The following MSN variants were observed in gnomAD, a reference collection of about 807,000 sequenced individuals.
MSN encodes epididymis luminal protein 70.
A neutral mutation model predicts 48.0 loss-of-function variants in MSN; 2 were observed. The ratio of observed to expected loss-of-function variants is 0.04; its 90% CI spans 0.02 to 0.13. The LOEUF is 0.13. Among genes scored for constraint, MSN ranks in the 10% least tolerant of loss-of-function variants. The pLI is 1.00. For synonymous variants in MSN, 146 were observed against 166.9 expected (o/e 0.87, Z 0.97); for missense variants, 267 against 470.1 (o/e 0.57, Z 3.99).
intron 8 of MSN, 115 bp downstream of exon 8, chrX:65,735,545 T>A (rs2071667681): frequency 4.9e-6 from 4 of 822,598 alleles, no homozygotes; most frequent in Non-Finnish European, 6.7e-6. Context: ...AGATGAGAGG[T>A]TAGACACCAA....
At chrX:65,615,128 A>C (rs2070357364) in intron 1 of MSN, among the ~76,000 whole-genome samples, 1 of 109,422 alleles carries the variant, frequency 9.1e-6, no homozygotes, top group South Asian at 4.0e-4. Flanking sequence ...AGTTGGTTCC[A>C]AGTCTTTGCT....
At chrX:65,589,221 C>T (rs1470086308) in intron 1 of MSN, among the ~76,000 whole-genome samples, 3 of 105,901 alleles carry the variant, frequency 2.8e-5, no homozygotes, top group African/African-American at 1.0e-4. Context: ...CACCCCAGTC[C>T]CAAGTTTTCA....
At chrX:65,673,858 A>G (rs2070968706) in intron 1 of MSN, among the ~76,000 whole-genome samples, 1 of 111,696 alleles carries the variant, frequency 9.0e-6, no homozygotes, top group African/African-American at 3.3e-5. Flanking sequence ...TGATAGTGCC[A>G]GGACTAAAAC....
intron 2 of MSN, among the ~76,000 whole-genome samples, chrX:65,720,787 G>C: frequency 8.9e-6 from 1 of 112,148 alleles, no homozygotes; most frequent in African/African-American, 3.2e-5. Context: ...GTACTCCTTG[G>C]CACCAGCAAT....
chrX:65,655,896 AG>A (rs1178618596), intron 1 of MSN, among the ~76,000 whole-genome samples: 1 of 111,539 alleles, frequency 9.0e-6, no homozygotes, highest in Admixed American at 9.6e-5. Context: ...CCTCCCAAGT[AG>A]CTGGGACTAC....
intron 1 of MSN, among the ~76,000 whole-genome samples, chrX:65,620,575 G>C (rs943469872): frequency 1.8e-5 from 2 of 112,919 alleles, no homozygotes; most frequent in African/African-American, 6.4e-5. Flanking sequence ...GGTCGCGCAC[G>C]GTGCGCACAC....
chrX:65,589,866 C>CTT (rs34344599), intron 1 of MSN: 1 of 81,336 alleles, frequency 1.2e-5, no homozygotes, highest in Non-Finnish European at 2.0e-5. Flanking sequence ...TTCTTTCTTT[C>CTT]TTTTTTTTTT....
chrX:65,619,042 C>A (rs1190267583), intron 1 of MSN, among the ~76,000 whole-genome samples: 1 of 100,018 alleles, frequency 1.0e-5, no homozygotes, highest in African/African-American at 3.8e-5. Context: ...GGCCCCCACT[C>A]TCTTCTGGCT....
chrX:65,645,220 C>T (rs1341725831), intron 1 of MSN, among the ~76,000 whole-genome samples: 1 of 111,846 alleles, frequency 8.9e-6, no homozygotes, highest in Non-Finnish European at 1.9e-5. Context: ...GAGCCTGGAG[C>T]TATCAGGACC....
In MSN at chrX:65,653,337, A is replaced by G. The variant is rs146981742; in HGVS notation, c.-21-63481A>G. 9.3e-3 allele frequency among the ~76,000 whole-genome samples: 1,032 copies of G among 111,373 alleles called. 11 individuals carry two copies. The highest frequency in any genetic ancestry group is 0.051 in the Admixed American group (534 of 10,416). ...TAGCCACATATGGGCTCACATCTTC[A>G]TGTAAATACATGGCTAGGCTGAATA... On this transcript the variant is annotated intron_variant, in intron 1 of 3. Transcript: ENST00000609672.
intron 1 of MSN, among the ~76,000 whole-genome samples, chrX:65,647,553 TATG>T (rs1435678326): frequency 3.6e-5 from 4 of 112,398 alleles, no homozygotes; most frequent in African/African-American, 1.3e-4. Flanking sequence ...GATCCTGACA[TATG>T]GTGGGTTTTA....
At chrX:65,614,969 C>G (rs1367396803) in intron 1 of MSN, among the ~76,000 whole-genome samples, 3 of 93,471 alleles carry the variant, frequency 3.2e-5, no homozygotes, top group Non-Finnish European at 6.3e-5. Flanking sequence ...GTTTTTTGTT[C>G]TTGTGATAGT....
chrX:65,601,706 A>C (rs2070237345), intron 1 of MSN, among the ~76,000 whole-genome samples: 1 of 112,763 alleles, frequency 8.9e-6, no homozygotes. Context: ...TGTGTTCTGG[A>C]AAGGCCAGGA....
intron 1 of MSN, among the ~76,000 whole-genome samples, chrX:65,597,972 C>T (rs1009927616): frequency 2.7e-5 from 3 of 111,601 alleles, no homozygotes; most frequent in Non-Finnish European, 5.6e-5. Flanking sequence ...GTTATGAGAC[C>T]TTTCATCCTG....
intron 12 of MSN, 100 bp downstream of exon 12, chrX:65,739,294 C>A: frequency 2.3e-6 from 2 of 859,055 alleles, no homozygotes; most frequent in Non-Finnish European, 3.3e-6. Context: ...AAGATCCTGT[C>A]CCAGTGTTGT....
chrX:65,678,606 C>T (rs1479385937), intron 1 of MSN, among the ~76,000 whole-genome samples: 4 of 111,245 alleles, frequency 3.6e-5, no homozygotes, highest in Non-Finnish European at 7.5e-5. Context: ...CTTGGCTTTC[C>T]TGGGTGGGCT....
chrX:65,663,787 G>A (rs968779071), upstream of MSN, among the ~76,000 whole-genome samples: 8 of 110,923 alleles, frequency 7.2e-5, no homozygotes, highest in East Asian at 2.8e-4. Flanking sequence ...GGCCAGGAGC[G>A]GTGACTCATG....
chrX:65,708,936 G>A (rs1183872068), intron 1 of MSN, among the ~76,000 whole-genome samples: 1 of 111,901 alleles, frequency 8.9e-6, no homozygotes, highest in Non-Finnish European at 1.9e-5. Flanking sequence ...GCCCATCTCA[G>A]CCACCCAAAG....
At chrX:65,667,384 G>A (rs1410207857), upstream of MSN, among the ~76,000 whole-genome samples, 1 of 110,873 alleles carries the variant, frequency 9.0e-6, no homozygotes, top group South Asian at 3.8e-4. Flanking sequence ...CCTGAGTGGG[G>A]GTGGGGCTGG....
Sources: allele counts gnomAD v4.1 joint callset (sites outside exome capture counted in the v4.1 genomes callset), GRCh38; gene constraint gnomAD v4.1.1; transcripts MANE v1.5; gene names NCBI Gene and HGNC (gene_info 2026-07-23, HGNC 2026-07-21).